DGKB: variants seen among roughly 807,000 people sequenced by gnomAD.
The protein encoded by DGKB is diacylglycerol kinase beta.
In DGKB, 67 loss-of-function variants were observed where a neutral mutation model predicts 114.3. The ratio of observed to expected loss-of-function variants is 0.59; its 90% confidence interval spans 0.48 to 0.72. The LOEUF is 0.72. Among genes scored for constraint, DGKB ranks in the 30% least tolerant of loss-of-function variants. The pLI is 0.00. For missense variants in DGKB, 907 were observed against 975.2 expected, an observed-to-expected ratio of 0.93 and a Z score of 0.93; for synonymous variants, 398 against 323.1, an observed-to-expected ratio of 1.23 and a Z score of -2.49.
intron 17 of DGKB, among the ~76,000 whole-genome samples, chr7:14,596,296 A>G (rs1490363313): frequency 6.6e-6 from 1 of 152,162 alleles, no homozygotes; most frequent in African/African-American, 2.4e-5. Context: ...ATGACACATT[A>G]AAGAGAACTG....
chr7:14,693,564 C>T (rs1262681444), intron 9 of DGKB, among the ~76,000 whole-genome samples: 1 of 150,812 alleles, frequency 6.6e-6, no homozygotes, highest in Non-Finnish European at 1.5e-5. Flanking sequence ...GTGCAAAAGT[C>T]ATTGCGTTTT....
intron 4 of DGKB, among the ~76,000 whole-genome samples, chr7:14,749,846 T>G (rs1833862501): frequency 6.6e-6 from 1 of 152,190 alleles, no homozygotes; most frequent in African/African-American, 2.4e-5. Context: ...ATTCCTTACT[T>G]GTATGTTCAC....
chr7:14,683,175 G>T (rs957908481), intron 10 of DGKB, among the ~76,000 whole-genome samples: 9 of 152,124 alleles, frequency 5.9e-5, no homozygotes, highest in Non-Finnish European at 1.0e-4. Context: ...CAAATGGCTT[G>T]GTGTCATTTG....
chr7:14,862,555 C>A (rs1851139199), intron 1 of DGKB, among the ~76,000 whole-genome samples: 1 of 151,852 alleles, frequency 6.6e-6, no homozygotes, highest in South Asian at 2.1e-4. Context: ...CATTATTTGC[C>A]AAAAGTCACA....
chr7:14,651,694 A>G (rs1309137784), intron 13 of DGKB, among the ~76,000 whole-genome samples: 4 of 148,718 alleles, frequency 2.7e-5, no homozygotes, highest in African/African-American at 9.9e-5. Context: ...AATTAGGAAA[A>G]GAGGAAGTCA....
At chr7:14,162,370 T>C (rs1245010571) in intron 25 of DGKB, among the ~76,000 whole-genome samples, 1 of 152,228 alleles carries the variant, frequency 6.6e-6, no homozygotes, top group African/African-American at 2.4e-5. Context: ...ATGTGAATAT[T>C]GGTCCTCTTG....
At chr7:14,812,684 A>C (rs183967787) in intron 2 of DGKB, among the ~76,000 whole-genome samples, 1 of 152,284 alleles carries the variant, frequency 6.6e-6, no homozygotes, top group African/African-American at 2.4e-5. Flanking sequence ...TTATCTTGTC[A>C]AATATCCCAG....
chr7:14,725,877 T>C (rs80350365), intron 5 of DGKB, among the ~76,000 whole-genome samples: 1 of 152,146 alleles, frequency 6.6e-6, no homozygotes, highest in East Asian at 1.9e-4. Flanking sequence ...TTATGCTATG[T>C]ATGCACACCA....
intron 20 of DGKB, among the ~76,000 whole-genome samples, chr7:14,521,914 T>G (rs951080731): frequency 1.1e-4 from 16 of 152,210 alleles, no homozygotes; most frequent in African/African-American, 3.6e-4. Context: ...ATATTTTTTT[T>G]GGCTTGTTAT....
chr7:14,537,709 A>C (rs2128610191), intron 20 of DGKB, among the ~76,000 whole-genome samples: 1 of 152,334 alleles, frequency 6.6e-6, no homozygotes. Flanking sequence ...ACATAGGTAA[A>C]AACCTTGTTA....
chr7:14,329,256 A>T (rs1809287046), intron 23 of DGKB, among the ~76,000 whole-genome samples: 1 of 151,776 alleles, frequency 6.6e-6, no homozygotes, highest in Admixed American at 6.6e-5. Context: ...CCCTCCTAGC[A>T]CCCTTCTTAG....
Position 14,832,236 on chromosome 7 carries a change from T to C in DGKB, c.70+8958A>G, listed in dbSNP as rs960601602. ...ACAAGTTAAGGAAATAAACAATTGATATAGACTCAAGCAAACTGAATAAAA... is the reference window on the plus strand; with the variant it reads ...ACAAGTTAAGGAAATAAACAATTGACATAGACTCAAGCAAACTGAATAAAA... On this transcript the variant is annotated intron_variant, in intron 2 of 25. Transcript: ENST00000402815. Among the ~76,000 whole-genome samples, 8 of 152,198 alleles carry C rather than the reference T, an allele frequency of 5.3e-5. No individual in the cohort carries two copies. The East Asian group carries it at 1.2e-3, about 22-fold the overall frequency.
intron 21 of DGKB, among the ~76,000 whole-genome samples, chr7:14,438,291 C>A (rs938490366): frequency 1.3e-5 from 2 of 152,000 alleles, no homozygotes; most frequent in East Asian, 1.9e-4. Context: ...CTGATGGAGT[C>A]GAATTAGTAG....
intron 13 of DGKB, among the ~76,000 whole-genome samples, chr7:14,646,228 G>C (rs62445645): frequency 0.028 from 4,208 of 152,180 alleles, 65 homozygotes; most frequent in South Asian, 0.039. Context: ...ATCTATATTT[G>C]TATCAGACAA....
chr7:14,179,728 A>G (rs1782360052), intron 23 of DGKB, among the ~76,000 whole-genome samples: 1 of 152,232 alleles, frequency 6.6e-6, no homozygotes, highest in Non-Finnish European at 1.5e-5. Context: ...ATATGCAACC[A>G]AGCCACCAAA....
At position 14,958,262 on chromosome 7, in the gene DGKB, G is replaced by T. The variant is rs1179014518; in HGVS notation, c.-188+16434C>A. ...ATAGAATGAAGAAAACTTCTGAGAG[G>T]CCTGAATGGTCTCATGAGGAAGGGC... On this transcript the variant is annotated intron_variant, in intron 1 of 4. Coordinates refer to the DGKB transcript ENST00000437998. Among the ~76,000 whole-genome samples the T allele has an allele frequency of 3.9e-5, 6 of 151,928 alleles. No homozygotes were observed. In the East Asian group the frequency reaches 1.2e-3, roughly 30 times the overall value.
At chr7:14,454,170 G>A (rs969453137) in intron 21 of DGKB, among the ~76,000 whole-genome samples, 6 of 151,978 alleles carry the variant, frequency 3.9e-5, no homozygotes, top group African/African-American at 1.4e-4. Context: ...TCTTCTACCT[G>A]TTTTGAAATA....
At chr7:14,402,094 T>C (rs1339039118) in intron 21 of DGKB, among the ~76,000 whole-genome samples, 1 of 151,644 alleles carries the variant, frequency 6.6e-6, no homozygotes, top group African/African-American at 2.4e-5. Context: ...TAATTACCAT[T>C]CTCTTTTTAA....
At chr7:14,300,328 T>TGAGGC in intron 23 of DGKB, among the ~76,000 whole-genome samples, 1 of 152,216 alleles carries the variant, frequency 6.6e-6, no homozygotes, top group Admixed American at 6.5e-5. Context: ...GTGCTCTAGG[T>TGAGGC]GAGGCATGAA....
Sources: gnomAD v4.1 joint callset for allele counts (sites outside exome capture counted in the v4.1 genomes callset) on GRCh38, gnomAD v4.1.1 for gene constraint, MANE v1.5 for transcripts, NCBI Gene and HGNC (gene_info 2026-07-23, HGNC 2026-07-21) for gene names.